Variants in GPC6 observed in about 807,000 individuals in gnomAD.
GPC6 encodes the protein glypican 6, also known as glypican-6.
In GPC6, 14 loss-of-function variants were observed where a neutral mutation model predicts 55.2. The observed-to-expected ratio is 0.25, with a 90% CI of 0.17 to 0.40. GPC6 has a LOEUF of 0.40. Ranked by LOEUF, GPC6 falls within the 10% of genes least tolerant of loss-of-function variation. GPC6 has a pLI of 1.00. For missense variants in GPC6, 641 were observed against 708.5 expected (o/e 0.90, Z 1.08); for synonymous variants, 278 against 259.6 (o/e 1.07, Z -0.68).
rs761559134 is a variant in GPC6 at position 94,252,669 on chromosome 13, A to G, written c.878-33680A>G. Among the ~76,000 whole-genome samples, 75 of 152,234 alleles carry G rather than the reference A, an allele frequency of 4.9e-4. 1 individual carries two copies. Among genetic ancestry groups the G allele is most frequent in the Non-Finnish European group, 9.0e-4 (61 of 68,002 alleles). ...GTTATCTTTAGTATTAATCATGAGG[A>G]TAGCTTATATGTTTATAAATTGAAT... On this transcript the variant is annotated intron_variant, in intron 4 of 8. Coordinates refer to ENST00000377047, the MANE Select transcript of GPC6 (RefSeq NM_005708.5).
intron 3 of GPC6, among the ~76,000 whole-genome samples, chr13:93,979,453 T>A (rs1223582232): frequency 1.3e-5 from 2 of 151,882 alleles, no homozygotes; most frequent in Non-Finnish European, 2.9e-5. Flanking sequence ...TCCTGATGCT[T>A]TTTTTTAATT....
intron 2 of GPC6, among the ~76,000 whole-genome samples, chr13:93,555,998 A>G (rs1875443949): frequency 1.3e-5 from 2 of 152,186 alleles, no homozygotes; most frequent in South Asian, 4.1e-4. Flanking sequence ...AAGGTCAGCC[A>G]GTAACAGGCC....
chr13:94,384,591 A>G (rs1271103434), intron 7 of GPC6, among the ~76,000 whole-genome samples: 2 of 152,240 alleles, frequency 1.3e-5, no homozygotes, highest in African/African-American at 4.8e-5. Context: ...GGAAGAGACT[A>G]AACACTACCA....
rs538877255 is a variant in GPC6 at position 93,296,311 on chromosome 13, T to C, written c.160+68695T>C. On this transcript the variant is annotated intron_variant, in intron 1 of 8. Coordinates refer to ENST00000377047, the MANE Select transcript of GPC6 (RefSeq NM_005708.5). ...CTTCCCTCTAGTACCACTGTCACTG[T>C]CTTTGTTTAGGTTTTCATCTTCATT... 3.0e-4 allele frequency among the ~76,000 whole-genome samples: 45 copies of C among 152,302 alleles called. No individual in the cohort carries two copies. The Middle Eastern group carries it at 0.014, about 46-fold the overall frequency.
At chr13:93,552,859 G>A (rs757817615) in intron 2 of GPC6, among the ~76,000 whole-genome samples, 2 of 152,172 alleles carry the variant, frequency 1.3e-5, no homozygotes, top group Non-Finnish European at 2.9e-5. Flanking sequence ...AATCCTTTGA[G>A]TAAGTATGGG....
intron 4 of GPC6, among the ~76,000 whole-genome samples, chr13:94,262,560 C>A (rs1267892292): frequency 6.6e-6 from 1 of 151,786 alleles, no homozygotes; most frequent in Non-Finnish European, 1.5e-5. Flanking sequence ...ATAGTCCCAG[C>A]TGCTTGGGAG....
intron 3 of GPC6, among the ~76,000 whole-genome samples, chr13:93,871,447 T>TAA (rs1357824529): frequency 3.3e-5 from 5 of 152,018 alleles, no homozygotes. Flanking sequence ...TCATAGAGGA[T>TAA]AATCAGTTGT....
intron 1 of GPC6, among the ~76,000 whole-genome samples, chr13:93,514,972 C>T (rs954648964): frequency 2.0e-5 from 3 of 152,134 alleles, no homozygotes; most frequent in African/African-American, 7.2e-5. Context: ...CATTGAAGCT[C>T]GCATCCCCAG....
intron 2 of GPC6, among the ~76,000 whole-genome samples, chr13:93,546,150 A>C (rs906061896): frequency 6.6e-6 from 1 of 152,216 alleles, no homozygotes; most frequent in African/African-American, 2.4e-5. Flanking sequence ...TGTTGTCTTT[A>C]GTGCTCTAAG....
intron 3 of GPC6, among the ~76,000 whole-genome samples, chr13:93,831,459 G>T (rs1469763004): frequency 1.3e-5 from 2 of 152,012 alleles, no homozygotes; most frequent in Non-Finnish European, 2.9e-5. Context: ...AGGTGTATTT[G>T]TATAAGGATT....
intron 4 of GPC6, among the ~76,000 whole-genome samples, chr13:94,120,542 C>T (rs1886595325): frequency 2.7e-5 from 4 of 150,168 alleles, no homozygotes; most frequent in Admixed American, 2.0e-4. Flanking sequence ...TTTTTTTTTC[C>T]CCTGAAAAGC....
At chr13:94,057,960 C>A (rs1884185993) in intron 4 of GPC6, among the ~76,000 whole-genome samples, 1 of 152,140 alleles carries the variant, frequency 6.6e-6, no homozygotes, top group Admixed American at 6.5e-5. Context: ...CTGAAACATG[C>A]CCCCAGAGAT....
chr13:93,313,194 G>A (rs1022968269), intron 1 of GPC6, among the ~76,000 whole-genome samples: 4 of 152,154 alleles, frequency 2.6e-5, no homozygotes, highest in Admixed American at 6.6e-5. Context: ...CATTTATTTG[G>A]CAGAGCCTCA....
intron 2 of GPC6, among the ~76,000 whole-genome samples, chr13:93,819,981 T>C (rs2138963827): frequency 6.6e-6 from 1 of 152,342 alleles, no homozygotes; most frequent in African/African-American, 2.4e-5. Flanking sequence ...AATCTCCCTA[T>C]ATCAACCAAT....
intron 1 of GPC6, among the ~76,000 whole-genome samples, chr13:93,344,095 C>A (rs982314350): frequency 6.6e-6 from 1 of 152,274 alleles, no homozygotes; most frequent in South Asian, 2.1e-4. Flanking sequence ...TAAAAGAAAT[C>A]ATTTCAGGGA....
chr13:93,668,732 GAGC>G (rs1470787442), intron 2 of GPC6, among the ~76,000 whole-genome samples: 1 of 152,148 alleles, frequency 6.6e-6, no homozygotes, highest in Non-Finnish European at 1.5e-5. Context: ...CCTCCTGAGG[GAGC>G]TCAGCCTTGC....
At chr13:94,067,374 G>C (rs1480249320) in intron 4 of GPC6, among the ~76,000 whole-genome samples, 1 of 152,064 alleles carries the variant, frequency 6.6e-6, no homozygotes, top group African/African-American at 2.4e-5. Context: ...ATTGAAGCTA[G>C]AATCCACATC....
intron 4 of GPC6, among the ~76,000 whole-genome samples, chr13:94,204,242 G>C (rs919982336): frequency 6.6e-6 from 1 of 152,052 alleles, no homozygotes; most frequent in African/African-American, 2.4e-5. Context: ...TAAACAAAAA[G>C]GGTAGCTACT....
chr13:94,089,782 C>T (rs576564957), intron 4 of GPC6, among the ~76,000 whole-genome samples: 9 of 152,156 alleles, frequency 5.9e-5, no homozygotes, highest in Non-Finnish European at 8.8e-5. Context: ...CTCCAATCTA[C>T]GCCGGTGCAT....
Sources: allele counts gnomAD v4.1 joint callset (sites outside exome capture counted in the v4.1 genomes callset), GRCh38; gene constraint gnomAD v4.1.1; transcripts MANE v1.5; gene names NCBI Gene and HGNC (gene_info 2026-07-23, HGNC 2026-07-21).